TM2D2: variants seen among roughly 807,000 people sequenced by gnomAD.
The protein encoded by TM2D2 is TM2 domain-containing protein 2.
A neutral mutation model predicts 23.0 loss-of-function variants in TM2D2; 19 were observed. That is an observed-to-expected ratio of 0.82 (90% CI 0.58 to 1.21). The LOEUF is 1.21. TM2D2 is among the 50% of genes most tolerant of loss of function. The pLI is 0.00. For missense variants in TM2D2, 246 were observed against 265.4 expected (o/e 0.93, Z 0.51); for synonymous variants, 120 against 108.8 (o/e 1.10, Z -0.64).
intron 1 of TM2D2, 197 bp from the exon 2 acceptor site, chr8:38,995,602 T>C: frequency 2.0e-6 from 3 of 1,474,334 alleles, no homozygotes; most frequent in East Asian, 2.6e-5. Flanking sequence ...AATGAACCTT[T>C]TGTTGGAGAA....
intron 3 of TM2D2, among the ~76,000 whole-genome samples, chr8:38,992,031 C>A (rs542078567): frequency 1.1e-4 from 17 of 152,194 alleles, no homozygotes; most frequent in Middle Eastern, 3.4e-3. Context: ...GAAGATATGT[C>A]TCTAGACTAG....
upstream of TM2D2, chr8:38,996,851 T>C: frequency 2.1e-6 from 3 of 1,451,844 alleles, no homozygotes; most frequent in Non-Finnish European, 2.7e-6. Flanking sequence ...ACTGGATTTT[T>C]CCCTACGTCA....
upstream of TM2D2, chr8:38,996,572 G>C (rs1480952941): frequency 2.0e-6 from 3 of 1,469,280 alleles, no homozygotes; most frequent in Middle Eastern, 2.4e-4. Flanking sequence ...CAATGGACGC[G>C]CAGCTCGACG....
Position 38,995,380 on chromosome 8 carries a change from C to CTATAAA in TM2D2, c.252_253insTTTATA (p.Glu84_Asp85insPheIle). On this transcript the variant is annotated inframe_insertion, in exon 2 of 4. Transcript: ENST00000456397. ...GCATTTCCAACATGATCCACTGGGT[C>CTATAAA]TTCACATTCTATAAATTCATCAGGT... 1 of 1,612,004 alleles carries CTATAAA rather than the reference C, an allele frequency of 6.2e-7. No homozygotes were observed. Among genetic ancestry groups the CTATAAA allele is most frequent in the Middle Eastern group, 1.7e-4 (1 of 6,056 alleles).
At chr8:38,996,662 A>T, upstream of TM2D2, 1 of 1,428,088 alleles carries the variant, frequency 7.0e-7, no homozygotes, top group Non-Finnish European at 9.1e-7. Flanking sequence ...CTGCTTCTCG[A>T]TTCCTCTTCT....
At chr8:38,994,092 A>G (rs928892624) in intron 2 of TM2D2, 2 of 152,628 alleles carry the variant, frequency 1.3e-5, no homozygotes, top group Non-Finnish European at 2.9e-5. Context: ...TTAAAAAGTC[A>G]CTGCCTATTA....
chr8:38,996,268 C>T lies in TM2D2; in HGVS notation c.172G>A (p.Ala58Thr), dbSNP rs758508984. ...GGGTCGCCATATTCCCAGCTCGCAG[C>T]ACCCCCGGGGCCCTCCGGCTGGGCG... ...GAAQPEGPGG[A>T]ASWEYGDPHS... The change falls in exon 1 of 4, where the codon GCT becomes ACT. Residue 58 changes from alanine to threonine, a missense_variant. Transcript: ENST00000456397. 8 of 1,614,012 alleles carry T rather than the reference C, an allele frequency of 5.0e-6. No individual in the cohort carries two copies. The highest frequency in any genetic ancestry group is 6.8e-6 in the Non-Finnish European group (8 of 1,180,004).
At chr8:38,996,515 G>C (rs1835807177), upstream of TM2D2, 3 of 1,577,524 alleles carry the variant, frequency 1.9e-6, no homozygotes, top group Non-Finnish European at 1.7e-6. Context: ...GAACTGCGTG[G>C]TCAGGCCTTT....
chr8:38,994,578 T>C (rs1007436069), intron 2 of TM2D2, among the ~76,000 whole-genome samples: 2 of 152,224 alleles, frequency 1.3e-5, no homozygotes, highest in Non-Finnish European at 2.9e-5. Flanking sequence ...CCTCTGTGTC[T>C]GATTTAGTAC....
At position 38,990,335 on chromosome 8, in the gene TM2D2, T is replaced by A. The variant is rs912413683; in HGVS notation, c.*997A>T. 1.3e-5 allele frequency: 2 copies of A among 152,210 alleles called. No homozygotes were observed. The highest frequency in any genetic ancestry group is 2.9e-5 in the Non-Finnish European group (2 of 68,030). 9.4% of individuals were successfully genotyped at this position (152,210 alleles called of 1,614,324 possible). ...ATTGACTTGGCCACATTGCCCACCT[T>A]TGATTTTATATTTAATAGTTCTTTC... On this transcript the variant is annotated 3_prime_UTR_variant, in exon 4 of 4. Transcript: ENST00000456397.
intron 1 of TM2D2, among the ~76,000 whole-genome samples, chr8:38,995,953 C>A (rs983503976): frequency 1.3e-5 from 2 of 152,200 alleles, no homozygotes; most frequent in African/African-American, 2.4e-5. Context: ...CACAACCTTA[C>A]GCCCTTCTTC....
upstream of TM2D2, chr8:38,996,759 A>ACGGGG: frequency 2.8e-6 from 4 of 1,416,222 alleles, no homozygotes; most frequent in Non-Finnish European, 2.8e-6. Flanking sequence ...CCGGCAGCCG[A>ACGGGG]CGGGGCGGGG....
Position 38,996,141 on chromosome 8 carries a change from T to C in TM2D2, c.227+72A>G, listed in dbSNP as rs1001206948. ...AAAAAATGCAGCGTCCCCCCAACCC[T>C]GCCTTCCCTTAACACCCATATATTC... On this transcript the variant is annotated intron_variant, in intron 1 of 3. Coordinates refer to ENST00000456397, the MANE Select transcript of TM2D2 (RefSeq NM_078473.3). 8 of 1,520,732 alleles carry C rather than the reference T, an allele frequency of 5.3e-6. No homozygotes were observed. The African/African-American group carries it at 1.1e-4, about 21-fold the overall frequency. The allele number at this position is 1,520,732 out of a possible 1,614,324, so 94.2% of individuals were successfully genotyped here. A position where few individuals can be genotyped will look rare whatever the true frequency, so the allele number is the denominator to read the frequency against.
At chr8:38,992,386 G>A (rs57298254) in intron 3 of TM2D2, among the ~76,000 whole-genome samples, 1,653 of 150,132 alleles carry the variant, frequency 0.011, 29 homozygotes, top group African/African-American at 0.039. Context: ...GCTGAGGTAG[G>A]AGGATCGCTT....
upstream of TM2D2, chr8:38,996,863 C>T: frequency 6.9e-7 from 1 of 1,458,274 alleles, no homozygotes; most frequent in South Asian, 1.4e-5. Context: ...CCTACGTCAG[C>T]GCAGCTAGGC....
chr8:38,995,904 A>AT (rs1456499667), intron 1 of TM2D2: 1 of 829,256 alleles, frequency 1.2e-6, no homozygotes, highest in Non-Finnish European at 1.7e-6. Context: ...TCGACCGACT[A>AT]ATACTCTCCT....
At chr8:38,996,544 G>A (rs1835809124), upstream of TM2D2, 1 of 1,507,124 alleles carries the variant, frequency 6.6e-7, no homozygotes, top group Non-Finnish European at 8.9e-7. Flanking sequence ...CCCCGCCCGC[G>A]TAGCCCCGCC....
chr8:38,990,097 C>T lies in TM2D2; in HGVS notation c.*1235G>A, dbSNP rs1449583861. ...AGGATCATCTGTTTTAAATTTTTTACAGAAAATTGCCACCTTTAATAATGT... is the reference window on the plus strand; with the variant it reads ...AGGATCATCTGTTTTAAATTTTTTATAGAAAATTGCCACCTTTAATAATGT... On this transcript the variant is annotated 3_prime_UTR_variant, in exon 4 of 4. Transcript: ENST00000456397. The T allele has an allele frequency of 1.3e-5, 2 of 152,162 alleles. No individual in the cohort carries two copies. Among genetic ancestry groups the T allele is most frequent in the African/African-American group, 4.8e-5 (2 of 41,432 alleles). 9.4% of individuals were successfully genotyped at this position (152,162 alleles called of 1,614,324 possible).
rs1588302827 is a variant in TM2D2 at position 38,993,570 on chromosome 8, G to A, written c.406C>T (p.Leu136=). 1 of 1,613,454 alleles carries A rather than the reference G, an allele frequency of 6.2e-7. No homozygotes were observed. Among genetic ancestry groups the A allele is most frequent in the South Asian group, 1.1e-5 (1 of 91,064 alleles). ...TTTATACAAGGTTTATTTTCTCGTA[G>A]AAAGGTCCTAGGACTGGCACACTCA... The part of the protein sequence containing the change: ...GIECASPRTF[L]RENKPCIKYT... The change falls in exon 3 of 4, where the codon CTA becomes TTA. Residue 136 remains leucine (L), a synonymous_variant. Coordinates refer to ENST00000456397, the MANE Select transcript of TM2D2 (RefSeq NM_078473.3).
Sources: allele counts gnomAD v4.1 joint callset (sites outside exome capture counted in the v4.1 genomes callset), GRCh38; gene constraint gnomAD v4.1.1; transcripts MANE v1.5; gene names NCBI Gene and HGNC (gene_info 2026-07-23, HGNC 2026-07-21).